EMC8: variants seen among roughly 807,000 people sequenced by gnomAD.
The protein encoded by EMC8 is COX4 neighbor.
EMC8 carries 11 observed loss-of-function variants against 24.3 expected under a neutral mutation model. The observed-to-expected ratio is 0.45, with a 90% CI of 0.28 to 0.75. EMC8 has a LOEUF of 0.75. Among genes scored for constraint, EMC8 ranks in the 30% least tolerant of loss-of-function variants. The pLI, the probability that EMC8 is intolerant of heterozygous loss-of-function variation, is 0.12. For synonymous variants in EMC8, 145 were observed against 117.7 expected (o/e 1.23, Z -1.50); for missense variants, 277 against 282.7 (o/e 0.98, Z 0.14).
rs754733342 is a variant in EMC8 at position 85,789,035 on chromosome 16, T to C, written c.247A>G (p.Lys83Glu). 6.2e-7 allele frequency: 1 copy of C among 1,613,534 alleles called. No homozygotes were observed. Residue 83 changes from lysine to glutamate, a missense_variant, in exon 2 of 5, where the codon AAA becomes GAA. Coordinates refer to ENST00000253457, the MANE Select transcript of EMC8 (RefSeq NM_006067.5). Reference sequence around the variant, plus strand: ...CCAGCAATCACGTAGCTATGATCTTTGCACCATGAATCAATCTGAAAGAGG... The same window carrying C: ...CCAGCAATCACGTAGCTATGATCTTCGCACCATGAATCAATCTGAAAGAGG... ...VALTLIDSWC[K>E]DHSYVIAGYY...
intron 2 of EMC8, 112 bp downstream of exon 2, chr16:85,788,862 G>C: frequency 1.3e-6 from 1 of 767,916 alleles, no homozygotes; most frequent in East Asian, 2.5e-5. Context: ...AGCACAGAGG[G>C]AAGGGGTGTA....
At chr16:85,789,907 G>A (rs1228871339) in intron 1 of EMC8, among the ~76,000 whole-genome samples, 1 of 152,104 alleles carries the variant, frequency 6.6e-6, no homozygotes, top group African/African-American at 2.4e-5. Context: ...GTTAGGAAGG[G>A]GCACGTGCAC....
chr16:85,799,043 A>G lies in EMC8; in HGVS notation c.231+22T>C. The G allele has an allele frequency of 6.7e-7, 1 of 1,483,564 alleles. No individual in the cohort carries two copies. The highest frequency in any genetic ancestry group is 1.4e-5 in the African/African-American group (1 of 71,984). The allele number at this position is 1,483,564 out of a possible 1,614,324, so 91.9% of individuals were successfully genotyped here. A position where few individuals can be genotyped will look rare whatever the true frequency, so the allele number is the denominator to read the frequency against. On this transcript the variant is annotated intron_variant, in intron 1 of 4. Coordinates refer to ENST00000253457, the MANE Select transcript of EMC8 (RefSeq NM_006067.5). This position sits in a 1 kb window ranked among gnomAD's most constrained non-coding sequence, Gnocchi z 4.2. ...GGGAGGCCAGGCTGCCTGCAAGGGG[A>G]AGGGGCCCTTTCCGCGCTTACCAGG...
intron 1 of EMC8, among the ~76,000 whole-genome samples, chr16:85,797,390 A>G (rs1905280146): frequency 6.6e-6 from 1 of 152,110 alleles, no homozygotes; most frequent in Non-Finnish European, 1.5e-5. Context: ...GCTGGGTGAC[A>G]AGAGCGAAAC....
rs541612122 is a variant in EMC8 at position 85,787,991 on chromosome 16, C to T, written c.308+983G>A. On this transcript the variant is annotated intron_variant, in intron 2 of 4. Coordinates refer to ENST00000253457, the MANE Select transcript of EMC8 (RefSeq NM_006067.5). ...ATCTGTGCTGAGCAAGTGGACCCAA[C>T]GGCAGGGCCCTTCACTGCACCCCCA... Among the ~76,000 whole-genome samples the T allele has an allele frequency of 9.2e-5, 14 of 152,322 alleles. No homozygotes were observed. In the South Asian group the frequency reaches 2.9e-3, roughly 32 times the overall value.
intron 1 of EMC8, among the ~76,000 whole-genome samples, chr16:85,789,863 C>G (rs1904925758): frequency 6.6e-6 from 1 of 152,006 alleles, no homozygotes. Context: ...CATGAAATAC[C>G]CCTCAGTTGG....
intron 2 of EMC8, among the ~76,000 whole-genome samples, chr16:85,788,726 T>C (rs534194539): frequency 2.7e-4 from 41 of 152,342 alleles, no homozygotes; most frequent in African/African-American, 8.9e-4. Flanking sequence ...GTCGCTTTCA[T>C]TGTATGAATT....
intron 2 of EMC8, among the ~76,000 whole-genome samples, chr16:85,788,114 C>A (rs890122675): frequency 1.3e-5 from 2 of 152,168 alleles, no homozygotes; most frequent in African/African-American, 2.4e-5. Flanking sequence ...GTGGACTTTC[C>A]AGCTGCCCAT....
chr16:85,780,802 G>T (rs1271813638), intron 3 of EMC8: 1 of 459,664 alleles, frequency 2.2e-6, no homozygotes, highest in African/African-American at 2.0e-5. Flanking sequence ...TTCCTTCCCT[G>T]TGCCCCTAGA....
rs943094930 is a variant in EMC8, at chr16:85,779,555, G to A, written c.*153C>T. ...GAGACTCTGTGTTAAAAACACGACC[G>A]ACTGAACATTCTGCCCCCTTTCAAG... On this transcript the variant is annotated 3_prime_UTR_variant, in exon 5 of 5. Transcript: ENST00000253457. The A allele has an allele frequency of 3.5e-5, 25 of 719,130 alleles. No homozygotes were observed. Among genetic ancestry groups the A allele is most frequent in the Middle Eastern group, 4.0e-4 (1 of 2,498 alleles). 44.5% of individuals were successfully genotyped at this position (719,130 alleles called of 1,614,324 possible).
rs1904399557 is a variant in EMC8 at position 85,779,722 on chromosome 16, G to A, written c.619C>T (p.Leu207=). The A allele has an allele frequency of 1.2e-6, 2 of 1,614,060 alleles. No homozygotes were observed. The highest frequency in any genetic ancestry group is 1.7e-6 in the Non-Finnish European group (2 of 1,180,026). ...WTNPEINKAV[L]HLC ...GCGGTGCCTGCCTAGCACAAGTGTAGGACAGCTTTATTGATCTCTGGGTTT... is the reference window on the plus strand; with the variant it reads ...GCGGTGCCTGCCTAGCACAAGTGTAAGACAGCTTTATTGATCTCTGGGTTT... Residue 207 remains leucine (L), a synonymous_variant, in exon 5 of 5, where the codon CTA becomes TTA. Coordinates refer to ENST00000253457, the MANE Select transcript of EMC8 (RefSeq NM_006067.5).
At chr16:85,784,677 C>A (rs1045350777) in intron 2 of EMC8, 3 of 152,108 alleles carry the variant, frequency 2.0e-5, no homozygotes, top group African/African-American at 7.2e-5. Context: ...GGCGCCAGGT[C>A]CCCACAGCAC....
At chr16:85,795,039 A>G (rs1228707093) in intron 1 of EMC8, among the ~76,000 whole-genome samples, 3 of 152,190 alleles carry the variant, frequency 2.0e-5, no homozygotes, top group Non-Finnish European at 4.4e-5. Context: ...AGTTGTTTAT[A>G]GTTCCTGGGT....
At chr16:85,790,967 C>A (rs1226910261) in intron 1 of EMC8, among the ~76,000 whole-genome samples, 1 of 152,088 alleles carries the variant, frequency 6.6e-6, no homozygotes, top group East Asian at 1.9e-4. Flanking sequence ...GCTGGGACTA[C>A]AGGTGTGCGC....
chr16:85,795,713 A>G (rs1905221135), intron 1 of EMC8, among the ~76,000 whole-genome samples: 1 of 152,166 alleles, frequency 6.6e-6, no homozygotes, highest in Non-Finnish European at 1.5e-5. Context: ...TAATAAACCC[A>G]TAAACATAAG....
chr16:85,788,562 A>G (rs867593524), intron 2 of EMC8, among the ~76,000 whole-genome samples: 10 of 152,204 alleles, frequency 6.6e-5, no homozygotes, highest in Non-Finnish European at 8.8e-5. Flanking sequence ...CAAATACCAC[A>G]TTTTCATCAG....
At chr16:85,789,179 C>A (rs1904892108) in intron 1 of EMC8, 129 bp from the exon 2 acceptor site, 2 of 698,432 alleles carry the variant, frequency 2.9e-6, no homozygotes, top group African/African-American at 1.8e-5. Context: ...ATACCCTACA[C>A]CCCAGAAGAA....
chr16:85,791,418 G>A (rs537524887), intron 1 of EMC8, among the ~76,000 whole-genome samples: 1 of 152,234 alleles, frequency 6.6e-6, no homozygotes, highest in Non-Finnish European at 1.5e-5. Context: ...CGTCACCTAG[G>A]TTTTAAGCCC....
chr16:85,785,485 C>G (rs437305), intron 2 of EMC8, among the ~76,000 whole-genome samples: 116,994 of 152,020 alleles, frequency 0.77, 45,864 homozygotes, highest in Non-Finnish European at 0.86. Context: ...CAGCAGAATA[C>G]TTTGAACCCA....
Sources: gnomAD v4.1 joint callset for allele counts (sites outside exome capture counted in the v4.1 genomes callset) on GRCh38, gnomAD v4.1.1 for gene constraint, Gnocchi (gnomAD v3.1) non-coding constraint, MANE v1.5 for transcripts, NCBI Gene and HGNC (gene_info 2026-07-23, HGNC 2026-07-21) for gene names.